MFN2: variants seen among roughly 807,000 people sequenced by gnomAD.
The protein encoded by MFN2 is mitofusin-2.
Under a neutral mutation model 87.5 loss-of-function variants are expected in MFN2, and 43 were observed. The observed-to-expected ratio is 0.49, with a 90% CI of 0.38 to 0.63. The LOEUF (loss-of-function observed/expected upper bound fraction) is 0.63, where lower values mean the gene tolerates loss of function less well. MFN2 is among the 30% of genes least tolerant of loss of function. The pLI, the probability that MFN2 is intolerant of heterozygous loss-of-function variation, is 0.00. For missense variants in MFN2, 743 were observed against 972.8 expected, an observed-to-expected ratio of 0.76 and a Z score of 3.14; for synonymous variants, 337 against 359.9, an observed-to-expected ratio of 0.94 and a Z score of 0.72.
intron 4 of MFN2, among the ~76,000 whole-genome samples, chr1:11,994,190 A>G (rs1351319846): frequency 1.3e-5 from 2 of 152,244 alleles, no homozygotes; most frequent in South Asian, 2.1e-4. Context: ...CCCCACCAGG[A>G]CAAACCAATA....
intron 5 of MFN2, 126 bp downstream of exon 5, chr1:11,996,444 A>C: frequency 1.8e-6 from 2 of 1,134,880 alleles, no homozygotes; most frequent in South Asian, 2.8e-5. Context: ...GGGAGACCCT[A>C]TTTTAGATGA....
chr1:12,001,634 A>C, intron 9 of MFN2, 80 bp downstream of exon 9: 1 of 1,606,708 alleles, frequency 6.2e-7, no homozygotes, highest in Non-Finnish European at 8.5e-7. Flanking sequence ...GTCAGTAGAA[A>C]ATCCTTCTGA....
At chr1:11,992,978 T>TC (rs74620212) in intron 4 of MFN2, among the ~76,000 whole-genome samples, 1 of 151,150 alleles carries the variant, frequency 6.6e-6, no homozygotes, top group African/African-American at 2.4e-5. Context: ...TTTTTTTTTT[T>TC]TATTTTCTAA....
chr1:11,980,504 G>C lies in MFN2; in HGVS notation c.-150+20G>C. On this transcript the variant is annotated intron_variant, in intron 1 of 18. Coordinates refer to ENST00000235329, the MANE Select transcript of MFN2 (RefSeq NM_014874.4). The stretch of plus-strand genomic sequence containing the variant: ...GTGAAGGTGAGAGGGCGAGCAAGCC[G>C]GGGTGGCGGGGACTGGCCCGGCCCG... The C allele has an allele frequency of 2.5e-6, 1 of 398,298 alleles. No individual in the cohort carries two copies. The highest frequency in any genetic ancestry group is 3.6e-5 in the East Asian group (1 of 28,056). 24.7% of individuals were successfully genotyped at this position (398,298 alleles called of 1,614,324 possible).
At position 12,001,960 on chromosome 1, in the gene MFN2, T is replaced by C. The variant is rs6680984; in HGVS notation, c.1039-22T>C. 0.054 allele frequency: 86,558 copies of C among 1,614,074 alleles called. 2,611 individuals are homozygous for C. Among genetic ancestry groups the C allele is most frequent in the East Asian group, 0.071 (3,197 of 44,878 alleles). On this transcript the variant is annotated intron_variant, in intron 10 of 18. Coordinates refer to ENST00000235329, the MANE Select transcript of MFN2 (RefSeq NM_014874.4). Reference sequence around the variant, plus strand: ...AGGCCCCTGGTGGCCCCCACCTCCCTCCGTGCCTCTGTGTGTTCCAGGAGT... The same window carrying C: ...AGGCCCCTGGTGGCCCCCACCTCCCCCCGTGCCTCTGTGTGTTCCAGGAGT...
chr1:12,005,968 G>C lies in MFN2; in HGVS notation c.1716+37G>C, dbSNP rs113173691. ...TCCTCACCTCAAGGGCATTGTGGGGGGTCAGTCTGTACCCTGCCTCCAGAC... is the reference window on the plus strand; with the variant it reads ...TCCTCACCTCAAGGGCATTGTGGGGCGTCAGTCTGTACCCTGCCTCCAGAC... On this transcript the variant is annotated intron_variant, in intron 15 of 18. Coordinates refer to ENST00000235329, the MANE Select transcript of MFN2 (RefSeq NM_014874.4). 3,656 of 1,593,162 alleles carry C rather than the reference G, an allele frequency of 2.3e-3. 77 individuals are homozygous for C. The African/African-American group carries it at 0.044, about 19-fold the overall frequency.
chr1:11,992,979 T>TA (rs1553141796), intron 4 of MFN2, among the ~76,000 whole-genome samples: 3 of 151,168 alleles, frequency 2.0e-5, no homozygotes, highest in East Asian at 1.9e-4. Flanking sequence ...TTTTTTTTTT[T>TA]ATTTTCTAAT....
At chr1:11,985,495 T>A (rs1638361760) in intron 2 of MFN2, among the ~76,000 whole-genome samples, 1 of 136,130 alleles carries the variant, frequency 7.3e-6, no homozygotes, top group East Asian at 2.3e-4. Flanking sequence ...AGAGAGAGAC[T>A]TCGCTCTGTC....
At chr1:12,011,106 A>G (rs911136117) in intron 18 of MFN2, among the ~76,000 whole-genome samples, 4 of 152,110 alleles carry the variant, frequency 2.6e-5, no homozygotes, top group Non-Finnish European at 4.4e-5. Context: ...GAAAGGGGGA[A>G]TGGGGGGAAC....
intron 17 of MFN2, among the ~76,000 whole-genome samples, chr1:12,007,593 G>C (rs1045190384): frequency 6.6e-6 from 1 of 152,220 alleles, no homozygotes; most frequent in East Asian, 1.9e-4. Context: ...CCTGATCTTC[G>C]TGCACATCTT....
At chr1:12,010,921 T>A (rs1639665600) in intron 18 of MFN2, among the ~76,000 whole-genome samples, 1 of 152,096 alleles carries the variant, frequency 6.6e-6, no homozygotes, top group East Asian at 1.9e-4. Context: ...GCCCCTGACG[T>A]CAGAGTCTGC....
At chr1:11,984,985 A>T (rs997337683) in intron 2 of MFN2, among the ~76,000 whole-genome samples, 1 of 152,236 alleles carries the variant, frequency 6.6e-6, no homozygotes, top group Non-Finnish European at 1.5e-5. Context: ...AGAGGGGGTC[A>T]TGGGAACCCC....
chr1:12,006,570 C>T lies in MFN2; in HGVS notation c.1749C>T (p.Asn583=). ...VQRPIPLTPA[N]PSMPPLPQGS... ...GTCCCATCCCTCTGACGCCAGCCAA[C>T]CCCAGCATGCCCCCACTGCCACAGG... Residue 583 remains asparagine (N), a synonymous_variant, in exon 16 of 19, where the codon AAC becomes AAT. Transcript: ENST00000235329. 6.2e-7 allele frequency: 1 copy of T among 1,614,236 alleles called. No homozygotes were observed. Among genetic ancestry groups the T allele is most frequent in the Non-Finnish European group, 8.5e-7 (1 of 1,180,042 alleles).
intron 14 of MFN2, among the ~76,000 whole-genome samples, chr1:12,005,364 T>C (rs1639360557): frequency 6.6e-6 from 1 of 152,274 alleles, no homozygotes; most frequent in African/African-American, 2.4e-5. Context: ...ATTACAGGCA[T>C]GAGCCACCGG....
intron 3 of MFN2, 56 bp downstream of exon 3, chr1:11,989,399 G>T: frequency 6.3e-7 from 1 of 1,592,482 alleles, no homozygotes. Flanking sequence ...TATTTAGCTA[G>T]TGGGATTTGC....
chr1:12,003,083 A>AT lies in MFN2; in HGVS notation c.1161-899dup, dbSNP rs61232786. On this transcript the variant is annotated intron_variant, in intron 11 of 18. Coordinates refer to ENST00000235329, the MANE Select transcript of MFN2 (RefSeq NM_014874.4). This position sits in a 1 kb window ranked among gnomAD's most constrained non-coding sequence, Gnocchi z 4.1. ...CATTTTCCTATGGATGGAATTTTAG[A>AT]TTTTTTTTTTGCTATTGGAAACCCT... Among the ~76,000 whole-genome samples the AT allele has an allele frequency of 1.9e-4, 28 of 149,786 alleles. No individual in the cohort carries two copies. Among genetic ancestry groups the AT allele is most frequent in the African/African-American group, 2.4e-4 (10 of 40,864 alleles).
chr1:12,000,210 G>A (rs889213441), intron 8 of MFN2, among the ~76,000 whole-genome samples: 5 of 151,884 alleles, frequency 3.3e-5, no homozygotes, highest in East Asian at 1.9e-4. Context: ...TATTTTTTTC[G>A]AGATGGAGTT....
Position 12,008,263 on chromosome 1 carries a change from G to A in MFN2, c.2069+1014G>A, listed in dbSNP as rs1286804125. ...TGGCCCGTTCTCAATGAGCTGTTGG[G>A]TACACCTCCCAGACGGGGTGGTGGC... On this transcript the variant is annotated intron_variant, in intron 17 of 18. Transcript: ENST00000235329. Among the ~76,000 whole-genome samples, 4 of 152,246 alleles carry A rather than the reference G, an allele frequency of 2.6e-5. No individual in the cohort carries two copies. In the East Asian group the frequency reaches 7.7e-4, roughly 29 times the overall value.
At chr1:12,000,314 C>T (rs543694538) in intron 8 of MFN2, among the ~76,000 whole-genome samples, 8 of 151,932 alleles carry the variant, frequency 5.3e-5, no homozygotes, top group African/African-American at 1.4e-4. Flanking sequence ...CTCAGCCTCC[C>T]GAGTAGCTGG....
Sources: allele counts gnomAD v4.1 joint callset (sites outside exome capture counted in the v4.1 genomes callset), GRCh38; gene constraint gnomAD v4.1.1; non-coding constraint Gnocchi (gnomAD v3.1); transcripts MANE v1.5; gene names NCBI Gene and HGNC (gene_info 2026-07-23, HGNC 2026-07-21).